Variants in MSH3 observed in about 807,000 individuals in gnomAD.
MSH3 encodes the protein DNA mismatch repair protein Msh3.
A neutral mutation model predicts 123.3 loss-of-function variants in MSH3; 106 were observed. The observed-to-expected ratio is 0.86, with a 90% CI of 0.73 to 1.01. The LOEUF is 1.01. MSH3 is among the 50% of genes least tolerant of loss of function. The probability of loss-of-function intolerance (pLI) is 0.00; values close to 1 mark genes in which losing one functional copy is unlikely to be tolerated. For missense variants in MSH3, 1,459 were observed against 1,347.6 expected (o/e 1.08, Z -1.29); for synonymous variants, 515 against 481.4 (o/e 1.07, Z -0.91).
intron 22 of MSH3, among the ~76,000 whole-genome samples, chr5:80,866,028 A>G (rs1196084539): frequency 1.3e-5 from 2 of 152,252 alleles, no homozygotes; most frequent in Non-Finnish European, 2.9e-5. Flanking sequence ...GAGTTCACCA[A>G]CAGGGAAGAA....
At position 80,741,226 on chromosome 5, in the gene MSH3, T is replaced by C. The variant is rs190208882; in HGVS notation, c.1569-238T>C. Among the ~76,000 whole-genome samples, 3 of 152,172 alleles carry C rather than the reference T, an allele frequency of 2.0e-5. No homozygotes were observed. In the East Asian group the frequency reaches 5.8e-4, roughly 29 times the overall value. On this transcript the variant is annotated intron_variant, in intron 10 of 23. Coordinates refer to ENST00000265081, the MANE Select transcript of MSH3 (RefSeq NM_002439.5). ...TGTTGTTACCATTACTTCCCTTTCC[T>C]GTTCTTGTTTTTTTTTTGTTAGAGT...
intron 21 of MSH3, among the ~76,000 whole-genome samples, chr5:80,857,340 A>T (rs1056057191): frequency 3.3e-5 from 5 of 152,084 alleles, no homozygotes; most frequent in Admixed American, 3.3e-4. Context: ...TTTATGAGAG[A>T]TACTGGTTTA....
intron 12 of MSH3, among the ~76,000 whole-genome samples, chr5:80,752,656 A>T (rs755046533): frequency 4.6e-5 from 7 of 152,300 alleles, no homozygotes; most frequent in Non-Finnish European, 7.4e-5. Context: ...CAAATGAGAC[A>T]GTATATGTAA....
intron 8 of MSH3, among the ~76,000 whole-genome samples, chr5:80,711,676 A>G (rs1268460913): frequency 6.6e-6 from 1 of 151,330 alleles, no homozygotes; most frequent in Non-Finnish European, 1.5e-5. Context: ...TTTTTTTGAC[A>G]TGGTGTCTCA....
At chr5:80,656,149 A>G (rs1749277975) in intron 1 of MSH3, among the ~76,000 whole-genome samples, 1 of 152,222 alleles carries the variant, frequency 6.6e-6, no homozygotes, top group African/African-American at 2.4e-5. Flanking sequence ...TCATTGAATC[A>G]AGACCGGTAG....
rs1402690460 is a variant in MSH3 at position 80,672,256 on chromosome 5, G to A, written c.805G>A (p.Glu269Lys). 2 of 1,612,160 alleles carry A rather than the reference G, an allele frequency of 1.2e-6. No homozygotes were observed. The highest frequency in any genetic ancestry group is 1.1e-5 in the South Asian group (1 of 90,838). ...FGEDAEIAAR[E>K]LNIYCHLDHN... ...TTTCATTTTTTAGATTGCAGCCCGA[G>A]AGCTCAATATTTATTGCCATTTAGA... The change falls in exon 5 of 24, where the codon GAG becomes AAG. Residue 269 changes from glutamate (E) to lysine (K), a missense_variant. Coordinates refer to ENST00000265081, the MANE Select transcript of MSH3 (RefSeq NM_002439.5).
chr5:80,718,449 C>T (rs1232077955), intron 8 of MSH3, among the ~76,000 whole-genome samples: 1 of 150,576 alleles, frequency 6.6e-6, no homozygotes, highest in Non-Finnish European at 1.5e-5. Context: ...ACCTCTTTAT[C>T]TACAGGTTCC....
intron 19 of MSH3, among the ~76,000 whole-genome samples, chr5:80,796,730 G>T (rs960924552): frequency 1.3e-5 from 2 of 151,952 alleles, no homozygotes; most frequent in Non-Finnish European, 2.9e-5. Context: ...CCAACTTTCT[G>T]CCCGCTTTTC....
At chr5:80,727,828 G>A (rs1052765143) in intron 9 of MSH3, among the ~76,000 whole-genome samples, 3 of 152,046 alleles carry the variant, frequency 2.0e-5, no homozygotes, top group Admixed American at 2.0e-4. Context: ...CAGGGGAGTG[G>A]GTTGAACTTT....
At position 80,844,179 on chromosome 5, in the gene MSH3, G is replaced by A. The variant is rs192152550; in HGVS notation, c.2814-9951G>A. Among the ~76,000 whole-genome samples the A allele has an allele frequency of 7.2e-5, 11 of 152,094 alleles. No homozygotes were observed. The East Asian group carries it at 2.1e-3, about 29-fold the overall frequency. On this transcript the variant is annotated intron_variant, in intron 20 of 23. Coordinates refer to ENST00000265081, the MANE Select transcript of MSH3 (RefSeq NM_002439.5). ...GTACCCAGTAGTCATTCAGGAGCAG[G>A]TTGTTCAGTTTCCATGTAGTTGTGC...
intron 13 of MSH3, among the ~76,000 whole-genome samples, 157 bp from the exon 14 acceptor site, chr5:80,767,776 C>T (rs149926939): frequency 6.6e-6 from 1 of 152,052 alleles, no homozygotes; most frequent in African/African-American, 2.4e-5. Context: ...TAGTATTTAA[C>T]CTCATTTAGA....
intron 21 of MSH3, among the ~76,000 whole-genome samples, chr5:80,854,772 T>C (rs1745888701): frequency 6.6e-6 from 1 of 152,220 alleles, no homozygotes; most frequent in Admixed American, 6.5e-5. Context: ...TGTTCCTTTT[T>C]TTGCTGACTC....
chr5:80,665,926 A>G (rs1326441806), intron 3 of MSH3, among the ~76,000 whole-genome samples: 14 of 152,328 alleles, frequency 9.2e-5, no homozygotes, highest in African/African-American at 3.4e-4. Flanking sequence ...ATTGGTTCGC[A>G]ACCTTAGCTT....
At chr5:80,692,665 CATGTAT>C (rs201587228) in intron 8 of MSH3, among the ~76,000 whole-genome samples, 28,883 of 139,608 alleles carry the variant, frequency 0.21, 3,762 homozygotes, top group Non-Finnish European at 0.25. Context: ...TATATATACA[CATGTAT>C]ATGTTTATGT....
At chr5:80,688,439 C>T (rs560430997) in intron 8 of MSH3, among the ~76,000 whole-genome samples, 1 of 152,254 alleles carries the variant, frequency 6.6e-6, no homozygotes, top group Admixed American at 6.5e-5. Context: ...AGGCATAGTA[C>T]CACCTGAATG....
chr5:80,656,894 T>C (rs2112802333), intron 2 of MSH3, among the ~76,000 whole-genome samples: 1 of 152,334 alleles, frequency 6.6e-6, no homozygotes, highest in Non-Finnish European at 1.5e-5. Flanking sequence ...TGAGGCCCAC[T>C]GCTATTGGTG....
chr5:80,813,603 T>A lies in MSH3; in HGVS notation c.2675T>A (p.Met892Lys). 1.9e-6 allele frequency: 3 copies of A among 1,614,072 alleles called. No homozygotes were observed. The change falls in exon 20 of 24, where the codon ATG becomes AAG. Residue 892 changes from methionine (M) to lysine (K), a missense_variant. Coordinates refer to ENST00000265081, the MANE Select transcript of MSH3 (RefSeq NM_002439.5). ...TTTCAGGAGGACTCAGAGAGAGTAA[T>A]GATAATTACCGGACCAAACATGGGT... ...TDLSEDSERVMIITGPNMGGK... is the reference protein window; with the variant it reads ...TDLSEDSERVKIITGPNMGGK...
In MSH3 at chr5:80,731,135, C is replaced by T. The variant is rs547874324; in HGVS notation, c.1568+2170C>T. 5.9e-5 allele frequency among the ~76,000 whole-genome samples: 9 copies of T among 151,918 alleles called. 1 individual carries two copies. In the South Asian group the frequency reaches 1.9e-3, roughly 32 times the overall value. ...GCCAGGCTGGTCTTAAACTCCTGGC[C>T]TCAAGTGATCTGCCCACTTGGCCTC... On this transcript the variant is annotated intron_variant, in intron 10 of 23. Coordinates refer to ENST00000265081, the MANE Select transcript of MSH3 (RefSeq NM_002439.5).
intron 21 of MSH3, among the ~76,000 whole-genome samples, chr5:80,862,468 A>G (rs1241471961): frequency 6.6e-6 from 1 of 152,174 alleles, no homozygotes; most frequent in East Asian, 1.9e-4. Flanking sequence ...TTATTAAAGA[A>G]TCCATGAGAC....
Sources: gnomAD v4.1 joint callset for allele counts (sites outside exome capture counted in the v4.1 genomes callset) on GRCh38, gnomAD v4.1.1 for gene constraint, MANE v1.5 for transcripts, NCBI Gene and HGNC (gene_info 2026-07-23, HGNC 2026-07-21) for gene names.